The following KCNA2 variants were observed in gnomAD, a reference collection of about 807,000 sequenced individuals.
KCNA2 encodes the protein potassium voltage-gated channel subfamily A member 2, also known as potassium channel, voltage gated shaker related subfamily A, member 2.
A neutral mutation model predicts 33.4 loss-of-function variants in KCNA2; 11 were observed. The observed-to-expected ratio is 0.33, with a 90% confidence interval of 0.21 to 0.55. The LOEUF (loss-of-function observed/expected upper bound fraction) is 0.55, where lower values mean the gene tolerates loss of function less well. Ranked by LOEUF, KCNA2 falls within the 20% of genes least tolerant of loss-of-function variation. KCNA2 has a pLI of 0.93. For missense variants in KCNA2, 291 were observed against 621.6 expected, an observed-to-expected ratio of 0.47 and a Z score of 5.66; for synonymous variants, 222 against 231.3, an observed-to-expected ratio of 0.96 and a Z score of 0.37.
chr1:110,602,295 C>A lies in KCNA2; in HGVS notation c.*988G>T. On this transcript the variant is annotated 3_prime_UTR_variant, in exon 3 of 3. Transcript: ENST00000316361. ...TCTGATGGGAAAAAAACCCCTAGTT[C>A]AAGACCATTCCAAGCCTATTAATAC... is the stretch of plus-strand genomic sequence containing the variant. 6.7e-7 allele frequency: 1 copy of A among 1,481,668 alleles called. No homozygotes were observed. Among genetic ancestry groups the A allele is most frequent in the South Asian group, 1.4e-5 (1 of 72,352 alleles). 91.8% of individuals were successfully genotyped at this position (1,481,668 alleles called of 1,614,324 possible).
chr1:110,626,635 G>A (rs1052293966), intron 1 of KCNA2, among the ~76,000 whole-genome samples: 1 of 152,108 alleles, frequency 6.6e-6, no homozygotes, highest in African/African-American at 2.4e-5. Flanking sequence ...ATTAATGCAT[G>A]TTAGAAAACG....
At chr1:110,623,147 G>T (rs1247556758) in intron 1 of KCNA2, among the ~76,000 whole-genome samples, 2 of 152,198 alleles carry the variant, frequency 1.3e-5, no homozygotes, top group Non-Finnish European at 2.9e-5. Context: ...AGTAAAGAAA[G>T]TCCAGAAATT....
Position 110,597,761 on chromosome 1 carries a change from A to G in KCNA2, c.*5522T>C, listed in dbSNP as rs972369445. 1.1e-5 allele frequency: 11 copies of G among 985,224 alleles called. No homozygotes were observed. The highest frequency in any genetic ancestry group is 1.7e-5 in the African/African-American group (1 of 57,230). 61.0% of individuals were successfully genotyped at this position (985,224 alleles called of 1,614,324 possible). ...TTCAGTCCTGAGAGCAAGATTTTGAAAGAGCTATTGCTAAAGAAAACAGTC... is the reference window on the plus strand; with the variant it reads ...TTCAGTCCTGAGAGCAAGATTTTGAGAGAGCTATTGCTAAAGAAAACAGTC... On this transcript the variant is annotated 3_prime_UTR_variant, in exon 3 of 3. Coordinates refer to ENST00000316361, the MANE Select transcript of KCNA2 (RefSeq NM_004974.4).
At chr1:110,612,984 A>G (rs553643078) in intron 1 of KCNA2, among the ~76,000 whole-genome samples, 2 of 152,152 alleles carry the variant, frequency 1.3e-5, no homozygotes, top group African/African-American at 4.8e-5. Context: ...TCAGGTTCCA[A>G]TCTGTAAAAT....
Position 110,598,077 on chromosome 1 carries a change from C to T in KCNA2, c.*5206G>A. The T allele has an allele frequency of 1.0e-6, 1 of 985,228 alleles. No individual in the cohort carries two copies. The highest frequency in any genetic ancestry group is 4.7e-5 in the South Asian group (1 of 21,280). 61.0% of individuals were successfully genotyped at this position (985,228 alleles called of 1,614,324 possible). On this transcript the variant is annotated 3_prime_UTR_variant, in exon 3 of 3. Transcript: ENST00000316361. Reference sequence around the variant, plus strand: ...CAGCATCCCCCTCTCTGCGCGTTGGCTCAGGTGACTGATGATGTTAATGAG... The same window carrying T: ...CAGCATCCCCCTCTCTGCGCGTTGGTTCAGGTGACTGATGATGTTAATGAG...
At chr1:110,619,176 G>A (rs1304950707) in intron 1 of KCNA2, among the ~76,000 whole-genome samples, 1 of 152,114 alleles carries the variant, frequency 6.6e-6, no homozygotes, top group Non-Finnish European at 1.5e-5. Flanking sequence ...TGGCCTGGCT[G>A]TCCCCACTCC....
At chr1:110,618,221 C>T (rs1650132965) in intron 1 of KCNA2, among the ~76,000 whole-genome samples, 2 of 152,308 alleles carry the variant, frequency 1.3e-5, no homozygotes, top group South Asian at 4.1e-4. Flanking sequence ...ATGGCACCCA[C>T]CTGTAGTCTT....
chr1:110,618,217 C>A (rs1287468685), intron 1 of KCNA2, among the ~76,000 whole-genome samples: 1 of 152,162 alleles, frequency 6.6e-6, no homozygotes, highest in African/African-American at 2.4e-5. Flanking sequence ...CATGATGGCA[C>A]CCACCTGTAG....
chr1:110,619,468 G>A (rs1650177186), intron 1 of KCNA2, among the ~76,000 whole-genome samples: 1 of 152,282 alleles, frequency 6.6e-6, no homozygotes. Context: ...CATACAAGGT[G>A]GAAATCAGCT....
In KCNA2 at chr1:110,600,266, G is replaced by A. The variant is rs1407942441; in HGVS notation, c.*3017C>T. 2 of 981,666 alleles carry A rather than the reference G, an allele frequency of 2.0e-6. No homozygotes were observed. The highest frequency in any genetic ancestry group is 2.3e-4 in the East Asian group (2 of 8,742). The allele number at this position is 981,666 out of a possible 1,614,324, so 60.8% of individuals were successfully genotyped here. A position where few individuals can be genotyped will look rare whatever the true frequency, so the allele number is the denominator to read the frequency against. On this transcript the variant is annotated 3_prime_UTR_variant, in exon 3 of 3. Coordinates refer to ENST00000316361, the MANE Select transcript of KCNA2 (RefSeq NM_004974.4). ...TCTTGTATGCCTATTATAAGTTAATGCATCGTGTGTATATACTGAGTTTGT... is the reference window on the plus strand; with the variant it reads ...TCTTGTATGCCTATTATAAGTTAATACATCGTGTGTATATACTGAGTTTGT...
Position 110,593,765 on chromosome 1 carries a change from A to ATATAGGT in KCNA2, c.*9517_*9518insACCTATA. On this transcript the variant is annotated 3_prime_UTR_variant, in exon 3 of 3. Coordinates refer to ENST00000316361, the MANE Select transcript of KCNA2 (RefSeq NM_004974.4). ...TGTTCATTGAGGCACATATGTACACATATATGTATAACCTATGTACAAATA... is the reference window on the plus strand; with the variant it reads ...TGTTCATTGAGGCACATATGTACACATATAGGTTATATGTATAACCTATGTACAAATA... The ATATAGGT allele has an allele frequency of 8.7e-7, 1 of 1,148,280 alleles. No homozygotes were observed. The highest frequency in any genetic ancestry group is 1.2e-6 in the Non-Finnish European group (1 of 812,454). The allele number at this position is 1,148,280 out of a possible 1,614,324, so 71.1% of individuals were successfully genotyped here.
At chr1:110,605,981 A>G (rs1404930429) in intron 1 of KCNA2, 6 of 152,326 alleles carry the variant, frequency 3.9e-5, no homozygotes, top group Non-Finnish European at 7.3e-5. Context: ...CCCTGGGTTG[A>G]TCCAGGTTGC....
chr1:110,604,845 G>A lies in KCNA2; in HGVS notation c.-63C>T, dbSNP rs1649528427. The A allele has an allele frequency of 6.7e-7, 1 of 1,482,478 alleles. No homozygotes were observed. Among genetic ancestry groups the A allele is most frequent in the Non-Finnish European group, 9.2e-7 (1 of 1,089,740 alleles). The allele number at this position is 1,482,478 out of a possible 1,614,324, so 91.8% of individuals were successfully genotyped here. A position where few individuals can be genotyped will look rare whatever the true frequency, so the allele number is the denominator to read the frequency against. On this transcript the variant is annotated 5_prime_UTR_variant, in exon 3 of 3. Transcript: ENST00000316361. This position sits in a 1 kb window ranked among gnomAD's most constrained non-coding sequence, Gnocchi z 7.6. ...CAGCTGCCTGGTGGCAGGGAGCTCA[G>A]GGTGCTGCTACTGGCCCCAGGAAGC...
At chr1:110,630,554 A>G (rs1394667423) in intron 1 of KCNA2, among the ~76,000 whole-genome samples, 3 of 152,162 alleles carry the variant, frequency 2.0e-5, no homozygotes, top group African/African-American at 4.8e-5. Context: ...TCTTTCTCCT[A>G]TTACCCAAAA....
intron 1 of KCNA2, among the ~76,000 whole-genome samples, chr1:110,624,425 C>T (rs758722501): frequency 1.1e-4 from 16 of 152,206 alleles, no homozygotes; most frequent in Non-Finnish European, 1.5e-4. Context: ...GTGAAATTGC[C>T]AGAAATGGCA....
At chr1:110,619,057 C>T (rs375231796) in intron 1 of KCNA2, among the ~76,000 whole-genome samples, 7 of 152,078 alleles carry the variant, frequency 4.6e-5, no homozygotes, top group Admixed American at 2.0e-4. Flanking sequence ...GTCCTATGGC[C>T]CAGAAGGCTC....
In KCNA2 at chr1:110,599,431, T is replaced by C. The variant is rs1164323976; in HGVS notation, c.*3852A>G. 10 of 985,350 alleles carry C rather than the reference T, an allele frequency of 1.0e-5. No individual in the cohort carries two copies. The highest frequency in any genetic ancestry group is 1.2e-5 in the Non-Finnish European group (10 of 829,932). 61.0% of individuals were successfully genotyped at this position (985,350 alleles called of 1,614,324 possible). A position where few individuals can be genotyped will look rare whatever the true frequency, so the allele number is the denominator to read the frequency against. ...TAAGCTGAACTGGGTTGCATAGCAA[T>C]TGGATGGGAGGCAGGGCATCCAGGG... On this transcript the variant is annotated 3_prime_UTR_variant, in exon 3 of 3. Coordinates refer to ENST00000316361, the MANE Select transcript of KCNA2 (RefSeq NM_004974.4).
Position 110,600,155 on chromosome 1 carries a change from T to C in KCNA2, c.*3128A>G, listed in dbSNP as rs757270443. 18 of 984,360 alleles carry C rather than the reference T, an allele frequency of 1.8e-5. No homozygotes were observed. The highest frequency in any genetic ancestry group is 4.7e-5 in the South Asian group (1 of 21,168). The allele number at this position is 984,360 out of a possible 1,614,324, so 61.0% of individuals were successfully genotyped here. A position where few individuals can be genotyped will look rare whatever the true frequency, so the allele number is the denominator to read the frequency against. The stretch of plus-strand genomic sequence containing the variant: ...TCTTTTGTTTGTGCCTGTTAATTCA[T>C]AGCTCTGGGGGCAGGGCAATGGGTC... On this transcript the variant is annotated 3_prime_UTR_variant, in exon 3 of 3. Transcript: ENST00000316361.
chr1:110,609,752 T>G (rs1468682514), upstream of KCNA2, among the ~76,000 whole-genome samples: 1 of 152,182 alleles, frequency 6.6e-6, no homozygotes, highest in Non-Finnish European at 1.5e-5. Context: ...ATAACAGTTG[T>G]TTAGGCACAT....
Sources: gnomAD v4.1 joint callset for allele counts (sites outside exome capture counted in the v4.1 genomes callset) on GRCh38, gnomAD v4.1.1 for gene constraint, Gnocchi (gnomAD v3.1) non-coding constraint, MANE v1.5 for transcripts, NCBI Gene and HGNC (gene_info 2026-07-23, HGNC 2026-07-21) for gene names.